The following MANBA variants were observed in gnomAD, a reference collection of about 807,000 sequenced individuals.
MANBA encodes the protein mannosidase beta.
In MANBA, 83 loss-of-function variants were observed where a neutral mutation model predicts 111.1. The observed-to-expected ratio is 0.75, with a 90% CI of 0.63 to 0.90. The LOEUF is 0.90. MANBA is among the 40% of genes least tolerant of loss of function. The pLI, the probability that MANBA is intolerant of heterozygous loss-of-function variation, is 0.00. For synonymous variants in MANBA, 370 were observed against 378.7 expected (o/e 0.98, Z 0.27); for missense variants, 1,036 against 1,069.0 (o/e 0.97, Z 0.43).
intron 7 of MANBA, among the ~76,000 whole-genome samples, chr4:102,683,594 T>A (rs1732077597): frequency 6.6e-6 from 1 of 152,214 alleles, no homozygotes; most frequent in South Asian, 2.1e-4. Flanking sequence ...AACACTCAGT[T>A]AACCTGGGCA....
intron 1 of MANBA, among the ~76,000 whole-genome samples, chr4:102,735,827 G>A (rs997923028): frequency 6.6e-6 from 1 of 152,064 alleles, no homozygotes; most frequent in African/African-American, 2.4e-5. Context: ...TAATAAACAC[G>A]TACAGTAAAT....
chr4:102,741,203 A>G (rs1295760038), intron 1 of MANBA, among the ~76,000 whole-genome samples: 1 of 152,210 alleles, frequency 6.6e-6, no homozygotes, highest in African/African-American at 2.4e-5. Context: ...AATGTTTAAC[A>G]TCACTATCAG....
chr4:102,653,067 T>C (rs990491905), intron 12 of MANBA, among the ~76,000 whole-genome samples: 1 of 152,190 alleles, frequency 6.6e-6, no homozygotes, highest in Non-Finnish European at 1.5e-5. Flanking sequence ...AATCGAACTG[T>C]CATACAAATC....
intron 5 of MANBA, among the ~76,000 whole-genome samples, chr4:102,710,286 A>C (rs199548238): frequency 6.6e-6 from 1 of 152,204 alleles, no homozygotes; most frequent in Non-Finnish European, 1.5e-5. Context: ...AAAAATTCTT[A>C]GATCTGATAA....
chr4:102,751,969 A>T lies in MANBA; in HGVS notation c.177+8749T>A, dbSNP rs975735745. The T allele has an allele frequency of 5.6e-6, 4 of 709,042 alleles. No homozygotes were observed. The Admixed American group carries it at 7.1e-5, about 13-fold the overall frequency. 43.9% of individuals were successfully genotyped at this position (709,042 alleles called of 1,614,324 possible). On this transcript the variant is annotated intron_variant, in intron 1 of 16. Transcript: ENST00000647097. Reference sequence around the variant, plus strand: ...ACCGTGCTGCAGAGGTCATGCTGGAAGTGCAGAGTCTATAGCTGTTGATAG... The same window carrying T: ...ACCGTGCTGCAGAGGTCATGCTGGATGTGCAGAGTCTATAGCTGTTGATAG...
At chr4:102,707,954 G>A (rs1245804674) in intron 5 of MANBA, among the ~76,000 whole-genome samples, 2 of 152,038 alleles carry the variant, frequency 1.3e-5, no homozygotes, top group Non-Finnish European at 2.9e-5. Flanking sequence ...AAATCCACAA[G>A]AGAATATAAT....
At chr4:102,743,065 G>A (rs372104317) in intron 1 of MANBA, among the ~76,000 whole-genome samples, 39 of 152,350 alleles carry the variant, frequency 2.6e-4, no homozygotes, top group African/African-American at 9.4e-4. Flanking sequence ...GAGGCTGAGT[G>A]TTGTCCACAG....
intron 10 of MANBA, chr4:102,667,232 G>A (rs1039476183): frequency 6.6e-6 from 1 of 152,170 alleles, no homozygotes; most frequent in Non-Finnish European, 1.5e-5. Context: ...CAGCTCTGTT[G>A]AGTATGCACA....
At chr4:102,641,653 G>A (rs1012559520) in intron 13 of MANBA, among the ~76,000 whole-genome samples, 4 of 151,980 alleles carry the variant, frequency 2.6e-5, no homozygotes, top group Non-Finnish European at 5.9e-5. Flanking sequence ...AATGACCATG[G>A]CCCCTATAAA....
chr4:102,699,540 C>A (rs1484642872), intron 5 of MANBA, among the ~76,000 whole-genome samples: 1 of 150,338 alleles, frequency 6.7e-6, no homozygotes, highest in Non-Finnish European at 1.5e-5. Context: ...CCATCAATAC[C>A]TAATTTATTG....
At chr4:102,760,346 T>A (rs923996572) in intron 1 of MANBA, among the ~76,000 whole-genome samples, 2 of 152,208 alleles carry the variant, frequency 1.3e-5, no homozygotes, top group African/African-American at 4.8e-5. Context: ...TGTTGTCCCC[T>A]GTGGCGTGCA....
chr4:102,757,537 C>A (rs532899763), intron 1 of MANBA, among the ~76,000 whole-genome samples: 3 of 152,178 alleles, frequency 2.0e-5, no homozygotes, highest in Non-Finnish European at 4.4e-5. Flanking sequence ...TGCACCTCCC[C>A]CTTCTGTCTC....
intron 4 of MANBA, chr4:102,722,560 A>C (rs868267678): frequency 3.1e-4 from 105 of 342,122 alleles, no homozygotes; most frequent in African/African-American, 2.1e-3. Flanking sequence ...AATCTGGTGA[A>C]AAGTTTGATA....
intron 5 of MANBA, 69 bp from the exon 6 acceptor site, chr4:102,690,840 C>T: frequency 1.7e-6 from 1 of 591,566 alleles, no homozygotes; most frequent in Non-Finnish European, 2.4e-6. Flanking sequence ...CACTGCATTT[C>T]TCAGGATTCA....
chr4:102,634,696 C>A, intron 16 of MANBA, 92 bp downstream of exon 16: 1 of 1,541,394 alleles, frequency 6.5e-7, no homozygotes. Flanking sequence ...AAGGGGGACA[C>A]ATGCAAATCT....
At chr4:102,726,482 AAACAT>A in intron 2 of MANBA, 102 bp downstream of exon 2, 2 of 696,848 alleles carry the variant, frequency 2.9e-6, no homozygotes, top group Non-Finnish European at 5.0e-6. Flanking sequence ...AAACAAAACA[AAACAT>A]ACAAAACAAA....
chr4:102,734,393 G>A (rs1194030330), intron 1 of MANBA: 2 of 1,610,366 alleles, frequency 1.2e-6, no homozygotes, highest in African/African-American at 2.7e-5. Context: ...CTCTGGAGGT[G>A]CCTGAGCCCA....
chr4:102,729,437 G>T, intron 1 of MANBA: 2 of 1,255,388 alleles, frequency 1.6e-6, no homozygotes, highest in South Asian at 1.3e-5. Context: ...TCCATGGGCA[G>T]CACCACAGAT....
At chr4:102,686,999 C>T (rs1732246287) in intron 7 of MANBA, among the ~76,000 whole-genome samples, 2 of 152,166 alleles carry the variant, frequency 1.3e-5, no homozygotes, top group African/African-American at 4.8e-5. Context: ...TCACCCCACA[C>T]AAAACACATC....
Sources: allele counts gnomAD v4.1 joint callset (sites outside exome capture counted in the v4.1 genomes callset), GRCh38; gene constraint gnomAD v4.1.1; transcripts MANE v1.5; gene names NCBI Gene and HGNC (gene_info 2026-07-23, HGNC 2026-07-21).